COL4A5: variants seen among roughly 807,000 people sequenced by gnomAD.
COL4A5 encodes collagen type IV alpha 5 chain.
Under a neutral mutation model 130.2 loss-of-function variants are expected in COL4A5, and 26 were observed. The ratio of observed to expected loss-of-function variants is 0.20; its 90% confidence interval spans 0.15 to 0.28. COL4A5 has a LOEUF of 0.28. COL4A5 is among the 10% of genes least tolerant of loss of function. The pLI is 1.00. For synonymous variants in COL4A5, 496 were observed against 439.6 expected (o/e 1.13, Z -1.60); for missense variants, 1,131 against 1,344.3 (o/e 0.84, Z 2.48).
chrX:108,674,958 A>G lies in COL4A5; in HGVS notation c.3808+205A>G, dbSNP rs145950010. Among the ~76,000 whole-genome samples, 482 of 110,601 alleles carry G rather than the reference A, an allele frequency of 4.4e-3. 3 individuals are homozygous for G. Among genetic ancestry groups the G allele is most frequent in the Non-Finnish European group, 6.7e-3 (355 of 52,775 alleles). On this transcript the variant is annotated intron_variant, in intron 43 of 52. Transcript: ENST00000328300. The stretch of plus-strand genomic sequence containing the variant: ...TGACGTTAGGGTCTTTGTGTTTGCA[A>G]TTGTTTATAATAAGTAATCAATACA...
chrX:108,450,498 T>A (rs1194406275), intron 1 of COL4A5, among the ~76,000 whole-genome samples: 1 of 112,278 alleles, frequency 8.9e-6, no homozygotes, highest in East Asian at 2.8e-4. Context: ...GCCTACCACT[T>A]CAGGGAAAAC....
intron 1 of COL4A5, among the ~76,000 whole-genome samples, chrX:108,501,311 A>T (rs1234299010): frequency 9.0e-6 from 1 of 111,646 alleles, no homozygotes; most frequent in Non-Finnish European, 1.9e-5. Context: ...CTTCCCTTAA[A>T]CCACATGTGC....
At chrX:108,496,961 A>G (rs1362226930) in intron 1 of COL4A5, among the ~76,000 whole-genome samples, 2 of 111,842 alleles carry the variant, frequency 1.8e-5, no homozygotes. Context: ...TCATACTCAC[A>G]GTCTAAATTT....
intron 2 of COL4A5, among the ~76,000 whole-genome samples, chrX:108,554,157 G>A (rs755500478): frequency 5.4e-5 from 6 of 111,577 alleles, no homozygotes; most frequent in Admixed American, 2.9e-4. Context: ...TATTTTGATT[G>A]TGGTGATGAT....
intron 1 of COL4A5, among the ~76,000 whole-genome samples, chrX:108,490,522 G>A (rs2147545490): frequency 8.9e-6 from 1 of 111,921 alleles, no homozygotes; most frequent in Non-Finnish European, 1.9e-5. Context: ...ATTTAAAAAT[G>A]TTATTTATTT....
chrX:108,520,780 G>GT (rs2065257724), intron 1 of COL4A5, among the ~76,000 whole-genome samples: 1 of 111,509 alleles, frequency 9.0e-6, no homozygotes, highest in African/African-American at 3.2e-5. Context: ...ATTTGCCCCT[G>GT]TTTTTGCAGT....
intron 36 of COL4A5, among the ~76,000 whole-genome samples, chrX:108,632,417 A>G (rs1353288620): frequency 9.0e-6 from 1 of 111,657 alleles, no homozygotes. Flanking sequence ...AGGAGCTGGT[A>G]CCATTCCTTC....
intron 4 of COL4A5, among the ~76,000 whole-genome samples, chrX:108,564,975 A>T (rs1466798902): frequency 9.4e-6 from 1 of 106,670 alleles, no homozygotes; most frequent in African/African-American, 3.8e-5. Context: ...AGCAGACATA[A>T]TTCTTTATTT....
intron 19 of COL4A5, among the ~76,000 whole-genome samples, chrX:108,588,108 C>T (rs1459520358): frequency 4.5e-5 from 5 of 110,747 alleles, no homozygotes. Context: ...CTAATTTGGC[C>T]ACAAATTGAG....
chrX:108,476,108 T>C (rs1038555930), intron 1 of COL4A5, among the ~76,000 whole-genome samples: 2 of 111,678 alleles, frequency 1.8e-5, no homozygotes, highest in African/African-American at 6.5e-5. Context: ...CTTTACCAGA[T>C]TGAAGAAGCT....
At chrX:108,684,967 G>A (rs756440357) in intron 47 of COL4A5, among the ~76,000 whole-genome samples, 2 of 112,037 alleles carry the variant, frequency 1.8e-5, no homozygotes, top group South Asian at 7.4e-4. Flanking sequence ...ATTAATAGAC[G>A]TAACCCATCA....
chrX:108,480,520 A>T (rs748958972), intron 1 of COL4A5, among the ~76,000 whole-genome samples: 1 of 113,130 alleles, frequency 8.8e-6, no homozygotes, highest in Non-Finnish European at 1.9e-5. Flanking sequence ...AGATTATGAC[A>T]CAAAGCCAGA....
chrX:108,602,812 G>T, intron 27 of COL4A5, 152 bp from the exon 28 acceptor site: 2 of 471,059 alleles, frequency 4.2e-6, no homozygotes, highest in East Asian at 3.8e-5. Flanking sequence ...TGAGAGGATT[G>T]TAAGGCTTAA....
intron 1 of COL4A5, among the ~76,000 whole-genome samples, chrX:108,496,869 G>GA (rs1333626561): frequency 9.1e-6 from 1 of 110,280 alleles, no homozygotes; most frequent in Non-Finnish European, 1.9e-5. Context: ...GTTTCTTTTT[G>GA]AAAAAAGCTT....
chrX:108,610,703 T>C (rs374667559), intron 29 of COL4A5, among the ~76,000 whole-genome samples: 4 of 111,970 alleles, frequency 3.6e-5, no homozygotes, highest in African/African-American at 1.3e-4. Context: ...GGTATTTGCC[T>C]AATCTTTGGA....
chrX:108,645,704 A>G (rs933456925), intron 36 of COL4A5, among the ~76,000 whole-genome samples: 9 of 106,769 alleles, frequency 8.4e-5, no homozygotes, highest in Admixed American at 5.0e-4. Context: ...AGCATTAGGT[A>G]TATCTCCTAA....
intron 16 of COL4A5, among the ~76,000 whole-genome samples, chrX:108,582,236 T>C (rs1194625404): frequency 9.0e-6 from 1 of 111,254 alleles, no homozygotes; most frequent in Non-Finnish European, 1.9e-5. Flanking sequence ...AGGGCCTCAG[T>C]TCCTGGCTTC....
rs1210782383 is a variant in COL4A5 at position 108,586,606 on chromosome X, G to A, written c.1033-9G>A. 1 of 1,194,552 alleles carries A rather than the reference G, an allele frequency of 8.4e-7. No homozygotes were observed. Among genetic ancestry groups the A allele is most frequent in the South Asian group, 1.8e-5 (1 of 55,481 alleles). ...CATTTCTTTATTTTTTTTTTCTTTG[G>A]TAATAAAGGTAATTCCTAGACCTGG... On this transcript the variant is annotated splice_polypyrimidine_tract_variant and intron_variant, in intron 18 of 52. Coordinates refer to ENST00000328300, the MANE Select transcript of COL4A5 (RefSeq NM_033380.3).
chrX:108,591,577 A>C lies in COL4A5; in HGVS notation c.1356A>C (p.Glu452Asp), dbSNP rs1289370414. 8.3e-7 allele frequency: 1 copy of C among 1,204,140 alleles called. No homozygotes were observed. The highest frequency in any genetic ancestry group is 1.8e-5 in the African/African-American group (1 of 56,939). Residue 452 changes from glutamate to aspartate, a missense_variant, in exon 21 of 53, where the codon GAA becomes GAC. Physicochemically the swap from Glu to Asp is conservative, Grantham distance 45. Transcript: ENST00000328300. ...PHIPPSDEIC[E>D]PGPPGPPGSP... is the part of the protein sequence containing the mutation. Reference sequence around the variant, plus strand: ...CTTACTCAGGTGATGAGATATGTGAACCAGGCCCTCCAGGCCCCCCAGGAT... The same window carrying C: ...CTTACTCAGGTGATGAGATATGTGACCCAGGCCCTCCAGGCCCCCCAGGAT...
Sources: allele counts gnomAD v4.1 joint callset (sites outside exome capture counted in the v4.1 genomes callset), GRCh38; gene constraint gnomAD v4.1.1; transcripts MANE v1.5; gene names NCBI Gene and HGNC (gene_info 2026-07-23, HGNC 2026-07-21).